GPC5: variants seen among roughly 807,000 people sequenced by gnomAD.
The protein encoded by GPC5 is glypican 5, also known as glypican-5.
A neutral mutation model predicts 53.9 loss-of-function variants in GPC5; 47 were observed. The observed-to-expected ratio is 0.87, with a 90% CI of 0.69 to 1.11. The LOEUF (loss-of-function observed/expected upper bound fraction) is 1.11, where lower values mean the gene tolerates loss of function less well. GPC5 is among the 50% of genes most tolerant of loss of function. The pLI is 0.00. For missense variants in GPC5, 748 were observed against 713.1 expected (o/e 1.05, Z -0.56); for synonymous variants, 286 against 263.3 (o/e 1.09, Z -0.84).
intron 7 of GPC5, among the ~76,000 whole-genome samples, chr13:92,602,239 T>TATAAATATATATATATAAC (rs1566314121): frequency 4.3e-4 from 43 of 99,496 alleles, no homozygotes; most frequent in South Asian, 3.5e-3. Context: ...ATAACATATA[T>TATAAATATATATATATAAC]ATATATATAT....
intron 6 of GPC5, among the ~76,000 whole-genome samples, chr13:92,064,913 C>CT (rs2041156017): frequency 2.5e-4 from 1 of 4,030 alleles, no homozygotes; most frequent in East Asian, 0.028. Context: ...TTTAAATAAT[C>CT]CTTTTTTTAT....
chr13:92,076,564 AT>A (rs35009219), intron 6 of GPC5, among the ~76,000 whole-genome samples: 77 of 148,154 alleles, frequency 5.2e-4, no homozygotes, highest in Admixed American at 8.1e-4. Flanking sequence ...CTAAGCTCAG[AT>A]TTTTTTTTTT....
chr13:92,194,732 G>A (rs2042245766), intron 7 of GPC5, among the ~76,000 whole-genome samples: 1 of 152,162 alleles, frequency 6.6e-6, no homozygotes, highest in Admixed American at 6.5e-5. Flanking sequence ...GAATGAGCAG[G>A]GGGTGTATAT....
At chr13:92,533,536 C>T (rs1881629559) in intron 7 of GPC5, among the ~76,000 whole-genome samples, 1 of 151,986 alleles carries the variant, frequency 6.6e-6, no homozygotes, top group Non-Finnish European at 1.5e-5. Flanking sequence ...TAAATATAAG[C>T]ATGTTTTTTT....
intron 7 of GPC5, among the ~76,000 whole-genome samples, chr13:92,405,388 G>A (rs1875749400): frequency 6.6e-6 from 1 of 152,164 alleles, no homozygotes; most frequent in Non-Finnish European, 1.5e-5. Context: ...ACAGGCAGCG[G>A]CCCCAACTGG....
chr13:91,728,064 A>G (rs1021066197), intron 3 of GPC5, among the ~76,000 whole-genome samples: 2 of 152,150 alleles, frequency 1.3e-5, no homozygotes, highest in African/African-American at 4.8e-5. Flanking sequence ...ATTAATCGTC[A>G]TTTCTAAGAA....
intron 7 of GPC5, among the ~76,000 whole-genome samples, chr13:92,543,825 A>G (rs149471510): frequency 1.3e-5 from 2 of 152,218 alleles, no homozygotes; most frequent in East Asian, 3.9e-4. Flanking sequence ...ACAAACGTTT[A>G]AGTGTTATTT....
In GPC5 at chr13:91,467,237, G is replaced by T. The variant is rs562044976; in HGVS notation, c.325+18315G>T. The stretch of plus-strand genomic sequence containing the variant: ...CTGATTTGAATTATTGGGGAAGAAA[G>T]TTGGAAAAAAGTCCTGAAAACGGTG... On this transcript the variant is annotated intron_variant, in intron 2 of 7. Coordinates refer to ENST00000377067, the MANE Select transcript of GPC5 (RefSeq NM_004466.6). 5.3e-5 allele frequency among the ~76,000 whole-genome samples: 8 copies of T among 152,276 alleles called. No homozygotes were observed. The South Asian group carries it at 1.5e-3, about 28-fold the overall frequency.
At chr13:91,650,978 T>G (rs566847722) in intron 2 of GPC5, among the ~76,000 whole-genome samples, 3 of 152,258 alleles carry the variant, frequency 2.0e-5, no homozygotes, top group Admixed American at 2.0e-4. Context: ...ATTCAGTAAG[T>G]CATTGATATA....
intron 7 of GPC5, among the ~76,000 whole-genome samples, chr13:92,177,517 G>A (rs1470966919): frequency 2.6e-5 from 4 of 151,678 alleles, no homozygotes; most frequent in Non-Finnish European, 4.4e-5. Flanking sequence ...ACCTTATAAA[G>A]CTCTTTTTTG....
intron 6 of GPC5, chr13:91,995,966 G>A (rs2040499982): frequency 6.6e-6 from 1 of 152,162 alleles, no homozygotes; most frequent in Non-Finnish European, 1.5e-5. Context: ...CTTGCTCTTA[G>A]ACAAGTGCAT....
At chr13:92,755,435 C>A (rs1189011677) in intron 7 of GPC5, among the ~76,000 whole-genome samples, 1 of 150,670 alleles carries the variant, frequency 6.6e-6, no homozygotes, top group Non-Finnish European at 1.5e-5. Context: ...AAAGCAAGAG[C>A]AAACACATTC....
At chr13:92,420,485 ATTTATCC>A (rs1310536288) in intron 7 of GPC5, among the ~76,000 whole-genome samples, 1 of 152,146 alleles carries the variant, frequency 6.6e-6, no homozygotes, top group Non-Finnish European at 1.5e-5. Flanking sequence ...CCCCTCAAGC[ATTTATCC>A]TTTTATTATA....
At chr13:92,257,545 G>GTTTTTTTTTTTTTTTTT (rs1566507028) in intron 7 of GPC5, among the ~76,000 whole-genome samples, 5 of 50,050 alleles carry the variant, frequency 1.0e-4, no homozygotes, top group African/African-American at 2.4e-4. Context: ...CTAATACAGG[G>GTTTTTTTTTTTTTTTTT]ATTTTTTTTT....
At chr13:92,218,617 T>C (rs1208742210) in intron 7 of GPC5, among the ~76,000 whole-genome samples, 1 of 152,124 alleles carries the variant, frequency 6.6e-6, no homozygotes, top group Non-Finnish European at 1.5e-5. Context: ...ACCTTAAAGG[T>C]CCATAAAAAT....
rs1362993510 is a variant in GPC5, at chr13:91,440,596, G to T, written c.164-8165G>T. 2.6e-5 allele frequency among the ~76,000 whole-genome samples: 4 copies of T among 152,016 alleles called. No individual in the cohort carries two copies. In the East Asian group the frequency reaches 7.7e-4, roughly 29 times the overall value. ...TATCTGGGGCTGGCCTTAATTTATT[G>T]GCTTATCTCTTGAATAGGGTCATGT... On this transcript the variant is annotated intron_variant, in intron 1 of 7. Transcript: ENST00000377067.
intron 5 of GPC5, among the ~76,000 whole-genome samples, chr13:91,770,533 C>T (rs1459226669): frequency 6.6e-6 from 1 of 152,092 alleles, no homozygotes; most frequent in African/African-American, 2.4e-5. Flanking sequence ...CAGGAAACTC[C>T]AGAGGATTTA....
At chr13:92,278,305 T>G (rs898518747) in intron 7 of GPC5, among the ~76,000 whole-genome samples, 1 of 152,038 alleles carries the variant, frequency 6.6e-6, no homozygotes, top group Non-Finnish European at 1.5e-5. Context: ...CGTAACCACT[T>G]TGATAATAAA....
chr13:91,609,803 G>A (rs2033491897), intron 2 of GPC5, among the ~76,000 whole-genome samples: 1 of 152,102 alleles, frequency 6.6e-6, no homozygotes, highest in Non-Finnish European at 1.5e-5. Context: ...GGGCTGAAGT[G>A]TTTCAGGATG....
Sources: gnomAD v4.1 joint callset for allele counts (sites outside exome capture counted in the v4.1 genomes callset) on GRCh38, gnomAD v4.1.1 for gene constraint, MANE v1.5 for transcripts, NCBI Gene and HGNC (gene_info 2026-07-23, HGNC 2026-07-21) for gene names.